Variants in COBL observed in about 807,000 individuals in gnomAD.
The protein encoded by COBL is protein cordon-bleu.
In COBL, 51 loss-of-function variants were observed where a neutral mutation model predicts 98.8. That is an observed-to-expected ratio of 0.52 (90% confidence interval 0.41 to 0.65). The LOEUF (loss-of-function observed/expected upper bound fraction) is 0.65. Ranked by LOEUF, COBL falls within the 30% of genes least tolerant of loss-of-function variation. The pLI is 0.00. For missense variants in COBL, 1,617 were observed against 1,617.5 expected, an observed-to-expected ratio of 1.00 and a Z score of 0.01; for synonymous variants, 634 against 651.7, an observed-to-expected ratio of 0.97 and a Z score of 0.41.
In COBL at chr7:51,066,029, T is replaced by C. The variant is rs75735902; in HGVS notation, c.1096+19137A>G. On this transcript the variant is annotated intron_variant, in intron 7 of 12. Transcript: ENST00000265136. The stretch of plus-strand genomic sequence containing the variant: ...CTCCAGGACAGTGAGAGAATAAATT[T>C]CCACCCATTCTGTGGTATGATATCA... 3.0e-3 allele frequency among the ~76,000 whole-genome samples: 452 copies of C among 152,312 alleles called. 4 individuals are homozygous for C. The highest frequency in any genetic ancestry group is 0.011 in the African/African-American group (444 of 41,568).
intron 7 of COBL, chr7:51,071,549 G>A (rs1488016645): frequency 1.3e-5 from 2 of 152,116 alleles, no homozygotes; most frequent in African/African-American, 4.8e-5. Flanking sequence ...TAGCCCTATT[G>A]CATTTGTTTT....
At chr7:51,187,776 C>T in intron 4 of COBL, 2 of 569,992 alleles carry the variant, frequency 3.5e-6, no homozygotes, top group Non-Finnish European at 5.2e-6. Flanking sequence ...GCCTCGCATG[C>T]ACCTTCAGGA....
intron 5 of COBL, among the ~76,000 whole-genome samples, chr7:51,182,771 A>G (rs1368067450): frequency 2.0e-5 from 3 of 152,236 alleles, no homozygotes; most frequent in Non-Finnish European, 4.4e-5. Context: ...AAGGACATGC[A>G]GAAACATGGA....
At chr7:51,241,921 C>G (rs1183939377) in intron 1 of COBL, among the ~76,000 whole-genome samples, 1 of 151,130 alleles carries the variant, frequency 6.6e-6, no homozygotes, top group African/African-American at 2.4e-5. Flanking sequence ...CCAATTCACG[C>G]TGACTTCCTA....
chr7:51,234,808 G>C (rs566888189), intron 1 of COBL, among the ~76,000 whole-genome samples: 1 of 152,168 alleles, frequency 6.6e-6, no homozygotes, highest in Non-Finnish European at 1.5e-5. Context: ...ACTAGACCAG[G>C]GCACATGCTG....
At chr7:51,288,007 G>C (rs747619119) in intron 1 of COBL, among the ~76,000 whole-genome samples, 11 of 152,162 alleles carry the variant, frequency 7.2e-5, no homozygotes, top group Non-Finnish European at 1.5e-4. Flanking sequence ...GCCAGGAAGA[G>C]AACAAAAGAA....
At position 51,028,156 on chromosome 7, in the gene COBL, C is replaced by G; in HGVS notation, c.2940G>C (p.Gln980His). The change falls in exon 10 of 13, where the codon CAG becomes CAC. Residue 980 changes from glutamine (Q) to histidine (H), a missense_variant. Gln to His is a conservative substitution (Grantham distance 24). This residue lies in a region of COBL where 1,304 missense variants were observed against 1,282.0 expected (regional missense o/e 1.02). Coordinates refer to ENST00000265136, the MANE Select transcript of COBL (RefSeq NM_015198.5). ...IHRSSCFSLV[Q>H]SSQRDRVSVG... ...CAGAAACACGATCCCTCTGGGAAGACTGAACCAGTGAGAAACAGGAGCTTC... is the reference window on the plus strand; with the variant it reads ...CAGAAACACGATCCCTCTGGGAAGAGTGAACCAGTGAGAAACAGGAGCTTC... The G allele has an allele frequency of 6.2e-7, 1 of 1,614,278 alleles. No homozygotes were observed. Among genetic ancestry groups the G allele is most frequent in the Non-Finnish European group, 8.5e-7 (1 of 1,180,048 alleles).
At chr7:51,283,748 G>T (rs1040201752) in intron 1 of COBL, among the ~76,000 whole-genome samples, 3 of 152,116 alleles carry the variant, frequency 2.0e-5, no homozygotes, top group African/African-American at 7.2e-5. Flanking sequence ...GCCTCCCAGA[G>T]TGCTGGGATT....
Position 51,316,578 on chromosome 7 carries a change from C to T in COBL, c.41+15G>A. ...AAGCCCCCTCTCCACCCCGCCCGACCGCGGGGCCGCTTACCCGGTCGGGGG... is the reference window on the plus strand; with the variant it reads ...AAGCCCCCTCTCCACCCCGCCCGACTGCGGGGCCGCTTACCCGGTCGGGGG... On this transcript the variant is annotated intron_variant, in intron 1 of 12. Transcript: ENST00000265136. The T allele has an allele frequency of 8.3e-7, 1 of 1,208,900 alleles. No individual in the cohort carries two copies. Among genetic ancestry groups the T allele is most frequent in the Non-Finnish European group, 1.0e-6 (1 of 973,112 alleles). The allele number at this position is 1,208,900 out of a possible 1,614,324, so 74.9% of individuals were successfully genotyped here.
intron 2 of COBL, among the ~76,000 whole-genome samples, chr7:51,208,387 G>C (rs921321199): frequency 1.6e-5 from 2 of 124,996 alleles, no homozygotes; most frequent in South Asian, 2.5e-4. Flanking sequence ...GGAGGGAGGT[G>C]GGGGGGGTCA....
chr7:51,107,913 G>C (rs1328172234), intron 6 of COBL, among the ~76,000 whole-genome samples: 2 of 152,152 alleles, frequency 1.3e-5, no homozygotes, highest in East Asian at 3.8e-4. Context: ...CAAGAGAATG[G>C]GTGTCCTGCT....
chr7:51,099,736 C>A (rs1795646887), intron 6 of COBL, among the ~76,000 whole-genome samples: 1 of 151,700 alleles, frequency 6.6e-6, no homozygotes, highest in African/African-American at 2.4e-5. Context: ...GTTTTTTTAA[C>A]CACAATTTTT....
At chr7:51,120,136 AAAC>A (rs1212841295) in intron 6 of COBL, among the ~76,000 whole-genome samples, 3 of 152,224 alleles carry the variant, frequency 2.0e-5, no homozygotes, top group Admixed American at 1.3e-4. Context: ...AAAAAATAGA[AAAC>A]AACAGAATCC....
intron 1 of COBL, among the ~76,000 whole-genome samples, chr7:51,313,634 C>T (rs1161675972): frequency 6.6e-6 from 1 of 152,088 alleles, no homozygotes; most frequent in African/African-American, 2.4e-5. Flanking sequence ...TGTCTTTCCT[C>T]CATAGGAAAA....
chr7:51,089,769 T>C (rs1421657802), intron 6 of COBL, among the ~76,000 whole-genome samples: 1 of 152,160 alleles, frequency 6.6e-6, no homozygotes, highest in Admixed American at 6.5e-5. Context: ...ATATCTATAG[T>C]GAAATAATCA....
intron 1 of COBL, among the ~76,000 whole-genome samples, chr7:51,236,518 C>T (rs1309896463): frequency 6.6e-6 from 1 of 152,142 alleles, no homozygotes; most frequent in Non-Finnish European, 1.5e-5. Context: ...AATGAAGCAG[C>T]TCATGACTGG....
chr7:51,279,287 A>G (rs1356011651), intron 1 of COBL, among the ~76,000 whole-genome samples: 1 of 152,262 alleles, frequency 6.6e-6, no homozygotes, highest in Admixed American at 6.5e-5. Context: ...GCCATGACTA[A>G]CTACTAAAGA....
At chr7:51,117,378 T>G (rs1797368663) in intron 6 of COBL, among the ~76,000 whole-genome samples, 1 of 152,050 alleles carries the variant, frequency 6.6e-6, no homozygotes, top group African/African-American at 2.4e-5. Context: ...TCTTTGGGGA[T>G]CTACTTTTTT....
At chr7:51,075,574 T>C (rs1381830499) in intron 7 of COBL, among the ~76,000 whole-genome samples, 1 of 152,218 alleles carries the variant, frequency 6.6e-6, no homozygotes, top group Non-Finnish European at 1.5e-5. Flanking sequence ...TATAATTTAC[T>C]TTTTAATAGT....
Sources: allele counts gnomAD v4.1 joint callset (sites outside exome capture counted in the v4.1 genomes callset), GRCh38; gene constraint gnomAD v4.1.1; regional missense constraint gnomAD v4.1.1; transcripts MANE v1.5; gene names NCBI Gene and HGNC (gene_info 2026-07-23, HGNC 2026-07-21).